ASCC3: variants seen among roughly 807,000 people sequenced by gnomAD.
ASCC3 encodes ASC-1 complex subunit P200.
In ASCC3, 158 loss-of-function variants were observed where a neutral mutation model predicts 256.3. The ratio of observed to expected loss-of-function variants is 0.62; its 90% CI spans 0.54 to 0.70. The LOEUF (loss-of-function observed/expected upper bound fraction) is 0.70, where lower values mean the gene tolerates loss of function less well. Among genes scored for constraint, ASCC3 ranks in the 30% least tolerant of loss-of-function variants. The pLI, the probability that ASCC3 is intolerant of heterozygous loss-of-function variation, is 0.00. For missense variants in ASCC3, 2,259 were observed against 2,626.0 expected (o/e 0.86, Z 3.05); for synonymous variants, 948 against 883.4 (o/e 1.07, Z -1.30).
chr6:100,520,380 A>AT (rs1357957316), intron 37 of ASCC3, among the ~76,000 whole-genome samples: 2 of 150,824 alleles, frequency 1.3e-5, no homozygotes, highest in Non-Finnish European at 2.9e-5. Flanking sequence ...GTAACTACTC[A>AT]TATTTTCCCA....
chr6:100,735,043 G>C (rs927099262), intron 10 of ASCC3, among the ~76,000 whole-genome samples: 6 of 152,082 alleles, frequency 3.9e-5, no homozygotes, highest in African/African-American at 1.4e-4. Context: ...AACATTGTAT[G>C]TTATATATTA....
At chr6:100,595,429 TG>T (rs1186510837) in intron 34 of ASCC3, among the ~76,000 whole-genome samples, 1 of 152,178 alleles carries the variant, frequency 6.6e-6, no homozygotes, top group African/African-American at 2.4e-5. Context: ...TGGCAGAGCT[TG>T]ACTATAGCTA....
chr6:100,845,798 G>T (rs1772354200), intron 4 of ASCC3, among the ~76,000 whole-genome samples: 1 of 151,930 alleles, frequency 6.6e-6, no homozygotes, highest in Admixed American at 6.6e-5. Context: ...TTTTAAAAAA[G>T]ACTTTAATAG....
At chr6:100,549,605 T>G (rs180971764) in intron 36 of ASCC3, among the ~76,000 whole-genome samples, 1 of 152,048 alleles carries the variant, frequency 6.6e-6, no homozygotes, top group East Asian at 1.9e-4. Flanking sequence ...CTGACTCATT[T>G]CAACCTGTTT....
chr6:100,713,237 T>C (rs917939201), intron 13 of ASCC3, among the ~76,000 whole-genome samples: 1 of 152,034 alleles, frequency 6.6e-6, no homozygotes, highest in South Asian at 2.1e-4. Flanking sequence ...TATTACTCAA[T>C]ACCAAAAAGA....
intron 2 of ASCC3, 95 bp downstream of exon 2, chr6:100,867,813 G>A (rs1773550340): frequency 9.0e-7 from 1 of 1,107,280 alleles, no homozygotes; most frequent in African/African-American, 1.6e-5. Flanking sequence ...AAACTTCCAT[G>A]TTAACCACAT....
chr6:100,584,604 G>A (rs1011890206), intron 36 of ASCC3, among the ~76,000 whole-genome samples: 1 of 151,724 alleles, frequency 6.6e-6, no homozygotes, highest in African/African-American at 2.4e-5. Flanking sequence ...ATATTGTTAT[G>A]TGTCAGTTTG....
At chr6:100,849,359 A>C (rs1055741894) in intron 3 of ASCC3, among the ~76,000 whole-genome samples, 5 of 152,202 alleles carry the variant, frequency 3.3e-5, no homozygotes, top group African/African-American at 1.2e-4. Context: ...CTAGTTAAAT[A>C]AACCAAAGTA....
chr6:100,806,672 C>T (rs1442965806), intron 4 of ASCC3, among the ~76,000 whole-genome samples: 1 of 151,834 alleles, frequency 6.6e-6, no homozygotes, highest in Non-Finnish European at 1.5e-5. Flanking sequence ...AGAATCCACA[C>T]AAATAAAACC....
At chr6:100,723,879 TATATATATATATATATATTTATA>T (rs1470169042) in intron 11 of ASCC3, among the ~76,000 whole-genome samples, 2 of 132,144 alleles carry the variant, frequency 1.5e-5, no homozygotes, top group Non-Finnish European at 3.1e-5. Flanking sequence ...TATATATATA[TATATATATATATATATATTTATA>T]ATTATATATA....
intron 37 of ASCC3, among the ~76,000 whole-genome samples, chr6:100,535,746 C>T (rs1160199929): frequency 6.6e-6 from 1 of 152,106 alleles, no homozygotes; most frequent in African/African-American, 2.4e-5. Flanking sequence ...GGATTATAGG[C>T]ATGAGCCATG....
intron 24 of ASCC3, among the ~76,000 whole-genome samples, chr6:100,642,205 G>C (rs1278946387): frequency 2.0e-5 from 3 of 151,568 alleles, no homozygotes; most frequent in Non-Finnish European, 4.4e-5. Flanking sequence ...TTATTTGCAG[G>C]ACACAAACTC....
At chr6:100,821,637 G>A (rs929710393) in intron 4 of ASCC3, among the ~76,000 whole-genome samples, 27 of 151,914 alleles carry the variant, frequency 1.8e-4, no homozygotes, top group African/African-American at 6.5e-4. Flanking sequence ...CAGCCTGGCT[G>A]ACATGGTGAA....
At chr6:100,719,272 C>T (rs551155922) in intron 11 of ASCC3, among the ~76,000 whole-genome samples, 2 of 151,964 alleles carry the variant, frequency 1.3e-5, no homozygotes, top group South Asian at 4.2e-4. Flanking sequence ...TTGGCAAAAC[C>T]CCAAACCAAA....
intron 13 of ASCC3, among the ~76,000 whole-genome samples, chr6:100,698,360 G>C (rs1487401696): frequency 1.3e-5 from 2 of 152,036 alleles, no homozygotes; most frequent in Non-Finnish European, 2.9e-5. Context: ...AAAAACTGTT[G>C]TATAAAATTT....
At chr6:100,816,688 T>C (rs1009985685) in intron 4 of ASCC3, among the ~76,000 whole-genome samples, 3 of 152,066 alleles carry the variant, frequency 2.0e-5, no homozygotes, top group East Asian at 1.9e-4. Context: ...CACTTATAAG[T>C]GGGAGCTAAT....
At chr6:100,701,737 TATA>T (rs1432239318) in intron 13 of ASCC3, among the ~76,000 whole-genome samples, 1 of 152,060 alleles carries the variant, frequency 6.6e-6, no homozygotes, top group Non-Finnish European at 1.5e-5. Flanking sequence ...TATTACAGCT[TATA>T]ATAAGAAGGT....
intron 36 of ASCC3, among the ~76,000 whole-genome samples, chr6:100,551,670 T>C (rs1188527946): frequency 6.6e-6 from 1 of 152,038 alleles, no homozygotes; most frequent in Non-Finnish European, 1.5e-5. Context: ...ATTATCAAAT[T>C]TGACACAGAC....
chr6:100,612,695 T>TG (rs1424706289), intron 30 of ASCC3, among the ~76,000 whole-genome samples: 1 of 151,916 alleles, frequency 6.6e-6, no homozygotes, highest in East Asian at 1.9e-4. Flanking sequence ...CCCCATACAC[T>TG]GAAGGAAGAA....
Sources: allele counts gnomAD v4.1 joint callset (sites outside exome capture counted in the v4.1 genomes callset), GRCh38; gene constraint gnomAD v4.1.1; transcripts MANE v1.5; gene names NCBI Gene and HGNC (gene_info 2026-07-23, HGNC 2026-07-21).